The following DDX46 variants were observed in gnomAD, a reference collection of about 807,000 sequenced individuals.
The protein encoded by DDX46 is DEAD-box helicase 46.
In DDX46, 30 loss-of-function variants were observed where a neutral mutation model predicts 134.9. The observed-to-expected ratio is 0.22, with a 90% CI of 0.17 to 0.30. The LOEUF is 0.30. Ranked by LOEUF, DDX46 falls within the 10% of genes least tolerant of loss-of-function variation. The pLI is 1.00. For synonymous variants in DDX46, 415 were observed against 404.1 expected (o/e 1.03, Z -0.32); for missense variants, 622 against 1,248.7 (o/e 0.50, Z 7.56).
chr5:134,767,765 T>C (rs963244205), intron 3 of DDX46, among the ~76,000 whole-genome samples: 2 of 151,460 alleles, frequency 1.3e-5, no homozygotes, highest in African/African-American at 2.4e-5. Context: ...AGCCTGACCA[T>C]TGTGGATAAA....
At chr5:134,795,808 G>A (rs1223119063) in intron 14 of DDX46, among the ~76,000 whole-genome samples, 180 bp from the exon 15 acceptor site, 1 of 152,174 alleles carries the variant, frequency 6.6e-6, no homozygotes, top group African/African-American at 2.4e-5. Flanking sequence ...TTGCAAGCCT[G>A]TTAAACCCTG....
At position 134,758,888 on chromosome 5, in the gene DDX46, G is replaced by T. The variant is rs752037917; in HGVS notation, c.-51G>T. ...GCAGCTCAGCCTCCTTGTTTGTCCGGTTCGCCTGTGCGTGGTACTCAAGGG... is the reference window on the plus strand; with the variant it reads ...GCAGCTCAGCCTCCTTGTTTGTCCGTTTCGCCTGTGCGTGGTACTCAAGGG... On this transcript the variant is annotated 5_prime_UTR_variant, in exon 1 of 23. Transcript: ENST00000452510. 6.2e-7 allele frequency: 1 copy of T among 1,613,762 alleles called. No individual in the cohort carries two copies. The highest frequency in any genetic ancestry group is 1.1e-5 in the South Asian group (1 of 91,086).
chr5:134,791,651 A>T (rs1754506962), intron 13 of DDX46, among the ~76,000 whole-genome samples: 1 of 152,190 alleles, frequency 6.6e-6, no homozygotes, highest in Non-Finnish European at 1.5e-5. Context: ...ATAAAAAAGG[A>T]TTATAAGAGA....
At chr5:134,790,966 A>C (rs945139449) in intron 13 of DDX46, among the ~76,000 whole-genome samples, 5 of 148,766 alleles carry the variant, frequency 3.4e-5, no homozygotes, top group African/African-American at 1.3e-4. Flanking sequence ...CTGGGACTAC[A>C]GGTGCCCGCC....
chr5:134,790,320 T>G (rs536092147), intron 12 of DDX46, 150 bp from the exon 13 acceptor site: 51 of 669,696 alleles, frequency 7.6e-5, no homozygotes, highest in Non-Finnish European at 5.1e-5. Context: ...CAAAATTTCT[T>G]TTCACTTTTT....
At chr5:134,804,850 T>C in intron 15 of DDX46, 1 of 412,464 alleles carries the variant, frequency 2.4e-6, no homozygotes, top group East Asian at 5.9e-5. Flanking sequence ...AAGGAAAGCA[T>C]GCTTAATCCT....
intron 11 of DDX46, among the ~76,000 whole-genome samples, chr5:134,786,560 G>A (rs779663138): frequency 6.6e-6 from 1 of 152,022 alleles, no homozygotes; most frequent in Non-Finnish European, 1.5e-5. Flanking sequence ...AAAAAGTGAT[G>A]GTGGCCAGGC....
chr5:134,765,294 C>G (rs1753531020), intron 2 of DDX46, among the ~76,000 whole-genome samples: 1 of 150,514 alleles, frequency 6.6e-6, no homozygotes, highest in Admixed American at 6.6e-5. Flanking sequence ...GCCTGTAATC[C>G]CAGCACTTTG....
intron 1 of DDX46, among the ~76,000 whole-genome samples, chr5:134,762,157 G>T (rs1448350418): frequency 1.3e-5 from 2 of 151,522 alleles, no homozygotes; most frequent in African/African-American, 4.9e-5. Flanking sequence ...TATGCTTTTG[G>T]TCCCAGCTAC....
rs1042384008 is a variant in DDX46 at position 134,809,779 on chromosome 5, C to T, written c.2149-1442C>T. Among the ~76,000 whole-genome samples, 5 of 152,086 alleles carry T rather than the reference C, an allele frequency of 3.3e-5. No homozygotes were observed. The East Asian group carries it at 5.9e-4, about 18-fold the overall frequency. ...ATCCCAGCACTTTGGGAGGCCGAGG[C>T]GGGCGGATCACCTGAGGTTGGGAGT... is the stretch of plus-strand genomic sequence containing the variant. On this transcript the variant is annotated intron_variant, in intron 16 of 22. Coordinates refer to ENST00000452510, the MANE Select transcript of DDX46 (RefSeq NM_001300860.2).
Position 134,772,858 on chromosome 5 carries a change from A to G in DDX46, c.448-838A>G, listed in dbSNP as rs114810424. On this transcript the variant is annotated intron_variant, in intron 4 of 22. Coordinates refer to ENST00000452510, the MANE Select transcript of DDX46 (RefSeq NM_001300860.2). ...CTCTTGTTGCTGAGGCCGGAGTACA[A>G]TGGCGTGATCTCAGCTCGCTGCAAC... Among the ~76,000 whole-genome samples, 1,121 of 152,170 alleles carry G rather than the reference A, an allele frequency of 7.4e-3. 12 individuals are homozygous for G. Among genetic ancestry groups the G allele is most frequent in the African/African-American group, 0.026 (1,065 of 41,540 alleles).
At chr5:134,795,771 A>G (rs1754638969) in intron 14 of DDX46, among the ~76,000 whole-genome samples, 1 of 152,228 alleles carries the variant, frequency 6.6e-6, no homozygotes, top group Non-Finnish European at 1.5e-5. Flanking sequence ...TAAGAGCCAG[A>G]GAGAACAGAT....
chr5:134,791,483 C>T (rs1208409673), intron 13 of DDX46, among the ~76,000 whole-genome samples: 1 of 151,870 alleles, frequency 6.6e-6, no homozygotes, highest in Non-Finnish European at 1.5e-5. Flanking sequence ...ATGGCGTGAA[C>T]CCGGGCGGCG....
At chr5:134,781,785 C>A in intron 7 of DDX46, 136 bp from the exon 8 acceptor site, 1 of 820,598 alleles carries the variant, frequency 1.2e-6, no homozygotes, top group Non-Finnish European at 1.9e-6. Context: ...TCTTGTGGGT[C>A]AAACAGTGTG....
intron 8 of DDX46, 98 bp from the exon 9 acceptor site, chr5:134,782,847 A>C (rs1309417613): frequency 6.8e-7 from 1 of 1,474,944 alleles, no homozygotes; most frequent in Non-Finnish European, 9.1e-7. Context: ...TGGGTCTGGC[A>C]TAAGAGTTAA....
In DDX46 at chr5:134,763,911, C is replaced by T. The variant is rs1431989985; in HGVS notation, c.25C>T (p.Arg9Ter). Residue 9 changes from arginine to a stop codon, truncating the protein, a stop_gained, in exon 2 of 23, where the codon CGA (arginine) becomes TGA (stop). Coordinates refer to ENST00000452510, the MANE Select transcript of DDX46 (RefSeq NM_001300860.2). LOFTEE classifies it high-confidence loss of function. ...TTTGACTTATTGTTCTAGCCACTAT[C>T]GAAAACGATCGGCATCCCGGGGTCG... MGRESRHY[R>*]KRSASRGRSG... The T allele has an allele frequency of 6.2e-7, 1 of 1,613,810 alleles. No homozygotes were observed.
At chr5:134,774,467 A>G (rs1753871831) in intron 5 of DDX46, among the ~76,000 whole-genome samples, 1 of 152,296 alleles carries the variant, frequency 6.6e-6, no homozygotes, top group South Asian at 2.1e-4. Flanking sequence ...TCTGTGAACT[A>G]TATACCCAGA....
At chr5:134,760,722 T>G (rs969357138) in intron 1 of DDX46, among the ~76,000 whole-genome samples, 7 of 152,076 alleles carry the variant, frequency 4.6e-5, no homozygotes, top group African/African-American at 1.7e-4. Flanking sequence ...ATTACTTGGT[T>G]GTTTTTTTGT....
chr5:134,781,788 A>T, intron 7 of DDX46, 133 bp from the exon 8 acceptor site: 1 of 841,016 alleles, frequency 1.2e-6, no homozygotes, highest in Non-Finnish European at 1.8e-6. Flanking sequence ...TGTGGGTCAA[A>T]CAGTGTGTCG....
Sources: gnomAD v4.1 joint callset for allele counts (sites outside exome capture counted in the v4.1 genomes callset) on GRCh38, gnomAD v4.1.1 for gene constraint, MANE v1.5 for transcripts, NCBI Gene and HGNC (gene_info 2026-07-23, HGNC 2026-07-21) for gene names.